The following ITPRID1 variants were observed in gnomAD, a reference collection of about 807,000 sequenced individuals.
The protein encoded by ITPRID1 is protein ITPRID1.
Under a neutral mutation model 95.4 loss-of-function variants are expected in ITPRID1, and 96 were observed. The observed-to-expected ratio is 1.01, with a 90% CI of 0.85 to 1.19. The LOEUF (loss-of-function observed/expected upper bound fraction) is 1.19. Ranked by LOEUF, ITPRID1 falls within the 50% of genes most tolerant of loss-of-function variation. The pLI is 0.00. For missense variants in ITPRID1, 1,339 were observed against 1,252.9 expected (o/e 1.07, Z -1.04); for synonymous variants, 510 against 453.6 (o/e 1.12, Z -1.58).
intron 2 of ITPRID1, 69 bp from the exon 3 acceptor site, chr7:31,552,933 C>T: frequency 6.8e-7 from 1 of 1,460,592 alleles, no homozygotes; most frequent in Non-Finnish European, 9.2e-7. Context: ...CTTCTTTCTC[C>T]CTTTCACTGA....
Position 31,643,116 on chromosome 7 carries a change from G to A in ITPRID1, c.1746G>A (p.Arg582=). ...HVTEMQDSFV[R]PEGAGKVQSH... ...CAGAAATGCAGGACAGTTTTGTGAGGCCTGAGGGAGCTGGCAAAGTGCAAA... is the reference window on the plus strand; with the variant it reads ...CAGAAATGCAGGACAGTTTTGTGAGACCTGAGGGAGCTGGCAAAGTGCAAA... The change falls in exon 12 of 15, where the codon AGG becomes AGA. Residue 582 remains arginine, a synonymous_variant. Transcript: ENST00000615280. The A allele has an allele frequency of 1.9e-6, 3 of 1,613,978 alleles. No homozygotes were observed. The highest frequency in any genetic ancestry group is 2.5e-6 in the Non-Finnish European group (3 of 1,179,896).
At chr7:31,652,478 G>C (rs372487938) in intron 14 of ITPRID1, 40 bp from the exon 15 acceptor site, 44 of 1,539,614 alleles carry the variant, frequency 2.9e-5, no homozygotes, top group Non-Finnish European at 3.6e-5. Context: ...GTGCCAATGT[G>C]ATGTGCTGTT....
chr7:31,554,380 G>T, intron 3 of ITPRID1, 95 bp from the exon 4 acceptor site: 1 of 1,508,298 alleles, frequency 6.6e-7, no homozygotes, highest in Non-Finnish European at 8.9e-7. Context: ...CTAAATATGT[G>T]GGAAATAGTG....
intron 10 of ITPRID1, among the ~76,000 whole-genome samples, chr7:31,593,022 G>A (rs184375139): frequency 1.5e-3 from 229 of 152,052 alleles, no homozygotes; most frequent in Non-Finnish European, 2.3e-3. Flanking sequence ...ATTAACAATC[G>A]CGCTGGGCAC....
chr7:31,573,275 G>T (rs1035171131), intron 7 of ITPRID1, among the ~76,000 whole-genome samples: 1 of 151,896 alleles, frequency 6.6e-6, no homozygotes, highest in South Asian at 2.1e-4. Context: ...TAATTGGCTC[G>T]ATTGAATATT....
At chr7:31,612,189 T>C (rs1387410764) in intron 10 of ITPRID1, among the ~76,000 whole-genome samples, 1 of 152,186 alleles carries the variant, frequency 6.6e-6, no homozygotes, top group East Asian at 1.9e-4. Flanking sequence ...TAAACTCTTA[T>C]TTGGTCCTTT....
At position 31,651,966 on chromosome 7, in the gene ITPRID1, A is replaced by T. The variant is rs1295633628; in HGVS notation, c.2739A>T (p.Leu913Phe). 1.2e-6 allele frequency: 2 copies of T among 1,602,706 alleles called. No homozygotes were observed. Among genetic ancestry groups the T allele is most frequent in the Non-Finnish European group, 1.7e-6 (2 of 1,174,758 alleles). ...EREEAEQLQT[L>F]REALRQQVAE... is the part of the protein sequence containing the mutation. ...AGGAGGCCGAGCAACTGCAAACGTT[A>T]CGTGAGGCCCTGAGGCAGCAGGTGG... The change falls in exon 14 of 15, where the codon TTA (leucine) becomes TTT (phenylalanine). Residue 913 changes from leucine to phenylalanine, a missense_variant. Transcript: ENST00000615280.
intron 10 of ITPRID1, among the ~76,000 whole-genome samples, chr7:31,609,053 A>G (rs2128163751): frequency 6.6e-6 from 1 of 151,670 alleles, no homozygotes; most frequent in Non-Finnish European, 1.5e-5. Flanking sequence ...ATTTTGTCAA[A>G]TGCTTTTTTG....
chr7:31,574,808 G>A, intron 8 of ITPRID1, 66 bp downstream of exon 8: 3 of 1,400,272 alleles, frequency 2.1e-6, no homozygotes, highest in Non-Finnish European at 2.0e-6. Context: ...GGGCCACAGT[G>A]TAGGCGAGGA....
chr7:31,527,691 C>A (rs764265008), intron 1 of ITPRID1, among the ~76,000 whole-genome samples: 111 of 152,222 alleles, frequency 7.3e-4, no homozygotes, highest in Non-Finnish European at 1.5e-3. Context: ...GGACTGAGCA[C>A]CTTACCTATT....
At chr7:31,578,928 G>C (rs540575430) in intron 9 of ITPRID1, among the ~76,000 whole-genome samples, 165 of 152,266 alleles carry the variant, frequency 1.1e-3, no homozygotes, top group African/African-American at 3.9e-3. Context: ...AGGGCCGGGG[G>C]TGTGTGTGGG....
chr7:31,643,694 G>A lies in ITPRID1; in HGVS notation c.2324G>A (p.Gly775Glu). ...SALSNKTLTHGPQPLTKSVSL... is the reference protein window; with the variant it reads ...SALSNKTLTHEPQPLTKSVSL... Reference sequence around the variant, plus strand: ...CTAAGCAACAAGACCTTGACACATGGGCCCCAGCCCCTCACCAAATCCGTC... The same window carrying A: ...CTAAGCAACAAGACCTTGACACATGAGCCCCAGCCCCTCACCAAATCCGTC... The change falls in exon 12 of 15, where the codon GGG becomes GAG. Residue 775 changes from glycine to glutamate, a missense_variant. Coordinates refer to ENST00000615280, the MANE Select transcript of ITPRID1 (RefSeq NM_001257967.3). The A allele has an allele frequency of 6.2e-6, 10 of 1,613,992 alleles. No homozygotes were observed. Among genetic ancestry groups the A allele is most frequent in the Non-Finnish European group, 8.5e-6 (10 of 1,179,888 alleles).
chr7:31,610,612 T>C (rs1003035970), intron 10 of ITPRID1, among the ~76,000 whole-genome samples: 3 of 151,650 alleles, frequency 2.0e-5, no homozygotes, highest in African/African-American at 7.2e-5. Flanking sequence ...GTTTGTTTAA[T>C]TGGGACTCTG....
At chr7:31,613,382 G>T (rs1166368444) in intron 10 of ITPRID1, among the ~76,000 whole-genome samples, 1 of 152,116 alleles carries the variant, frequency 6.6e-6, no homozygotes, top group Non-Finnish European at 1.5e-5. Context: ...CAGCGTTCTT[G>T]TTGTTTTTAT....
chr7:31,625,728 T>G (rs1192215855), intron 10 of ITPRID1, among the ~76,000 whole-genome samples: 2 of 152,026 alleles, frequency 1.3e-5, no homozygotes, highest in African/African-American at 2.4e-5. Flanking sequence ...CATATGTACC[T>G]AACCTGCACA....
intron 10 of ITPRID1, among the ~76,000 whole-genome samples, chr7:31,594,263 G>A (rs1273493132): frequency 6.6e-6 from 1 of 152,080 alleles, no homozygotes; most frequent in Non-Finnish European, 1.5e-5. Flanking sequence ...TCCACTCTAT[G>A]ATATTCAAAC....
rs147968939 is a variant in ITPRID1, at chr7:31,551,729, C to T, written c.-23-1273C>T. 1.2e-3 allele frequency among the ~76,000 whole-genome samples: 168 copies of T among 143,714 alleles called. 5 individuals carry two copies. Among genetic ancestry groups the T allele is most frequent in the African/African-American group, 4.0e-3 (162 of 40,858 alleles). 94.3% of individuals were successfully genotyped at this position (143,714 alleles called of 152,430 possible). A position where few individuals can be genotyped will look rare whatever the true frequency, so the allele number is the denominator to read the frequency against. The stretch of plus-strand genomic sequence containing the variant: ...ACCTATTCTTGAAAGAAAATATTTA[C>T]ATTTGTAATAAATCTGAATGGTTTG... On this transcript the variant is annotated intron_variant, in intron 2 of 14. Transcript: ENST00000615280.
At chr7:31,538,647 A>G (rs544621028) in intron 1 of ITPRID1, among the ~76,000 whole-genome samples, 1 of 152,296 alleles carries the variant, frequency 6.6e-6, no homozygotes, top group South Asian at 2.1e-4. Context: ...TTTATTAGAT[A>G]TTTTTCATAA....
intron 10 of ITPRID1, among the ~76,000 whole-genome samples, chr7:31,623,939 C>G (rs1393889691): frequency 6.7e-6 from 1 of 150,206 alleles, no homozygotes; most frequent in Non-Finnish European, 1.5e-5. Flanking sequence ...GATACAAAAT[C>G]AATGTACAAA....
Sources: gnomAD v4.1 joint callset for allele counts (sites outside exome capture counted in the v4.1 genomes callset) on GRCh38, gnomAD v4.1.1 for gene constraint, MANE v1.5 for transcripts, NCBI Gene and HGNC (gene_info 2026-07-23, HGNC 2026-07-21) for gene names.